Variants in SYNPR observed in about 807,000 individuals in gnomAD.
SYNPR encodes the protein synaptoporin.
Under a neutral mutation model 32.9 loss-of-function variants are expected in SYNPR, and 23 were observed. The observed-to-expected ratio is 0.70, with a 90% CI of 0.50 to 0.99. The LOEUF (loss-of-function observed/expected upper bound fraction) is 0.99. SYNPR is among the 50% of genes least tolerant of loss of function. SYNPR has a pLI of 0.00. For missense variants in SYNPR, 318 were observed against 349.3 expected, an observed-to-expected ratio of 0.91 and a Z score of 0.71; for synonymous variants, 146 against 135.9, an observed-to-expected ratio of 1.07 and a Z score of -0.52.
intron 4 of SYNPR, among the ~76,000 whole-genome samples, chr3:63,581,473 GCAAA>G (rs978406489): frequency 1.1e-4 from 11 of 96,130 alleles, no homozygotes; most frequent in Non-Finnish European, 2.6e-4. Context: ...AAAACGTAAA[GCAAA>G]CAAACAAACA....
the SYNPR span, among the ~76,000 whole-genome samples, chr3:63,201,746 TAAAG>T: frequency 1.3e-5 from 2 of 151,928 alleles, no homozygotes; most frequent in African/African-American, 4.8e-5. Context: ...ACACCAAAAA[TAAAG>T]AATTTACAAT....
At chr3:63,350,574 G>A (rs1191233644) in intron 2 of SYNPR, among the ~76,000 whole-genome samples, 1 of 152,218 alleles carries the variant, frequency 6.6e-6, no homozygotes, top group Non-Finnish European at 1.5e-5. Context: ...GAAGAGAAGA[G>A]ACACTGCACT....
At chr3:63,593,353 G>A (rs776121449) in intron 4 of SYNPR, among the ~76,000 whole-genome samples, 16 of 152,146 alleles carry the variant, frequency 1.1e-4, no homozygotes, top group Non-Finnish European at 2.1e-4. Flanking sequence ...TATGATTTAC[G>A]ACAGTATTGC....
intron 2 of SYNPR, among the ~76,000 whole-genome samples, chr3:63,369,289 A>AGCCTCT (rs775095319): frequency 0.057 from 8,648 of 152,234 alleles, 451 homozygotes; most frequent in East Asian, 0.2. Context: ...TCCAGCCTCC[A>AGCCTCT]GAACTCTGAG....
intron 1 of SYNPR, among the ~76,000 whole-genome samples, chr3:63,234,852 G>T (rs1409152666): frequency 8.5e-5 from 13 of 152,120 alleles, no homozygotes; most frequent in Non-Finnish European, 1.5e-4. Context: ...TGGGGAAAAT[G>T]TATTAAGGAA....
intron 4 of SYNPR, among the ~76,000 whole-genome samples, chr3:63,578,279 C>G (rs1480303617): frequency 1.3e-5 from 2 of 152,128 alleles, no homozygotes; most frequent in African/African-American, 4.8e-5. Context: ...TTGGGCCTCA[C>G]TTGAAATAGG....
intron 2 of SYNPR, among the ~76,000 whole-genome samples, chr3:63,462,009 G>A (rs1173270884): frequency 1.3e-5 from 2 of 152,000 alleles, no homozygotes; most frequent in African/African-American, 4.8e-5. Flanking sequence ...TCCTTAGGAA[G>A]ACCCATCCCG....
intron 2 of SYNPR, among the ~76,000 whole-genome samples, chr3:63,371,841 C>G (rs1442158305): frequency 2.0e-5 from 3 of 152,226 alleles, no homozygotes; most frequent in African/African-American, 7.2e-5. Flanking sequence ...CAACCCACAG[C>G]CCGTCTGCCA....
intron 3 of SYNPR, among the ~76,000 whole-genome samples, chr3:63,501,911 C>T (rs1701489235): frequency 6.6e-6 from 1 of 152,156 alleles, no homozygotes; most frequent in Non-Finnish European, 1.5e-5. Context: ...TGCTATTATA[C>T]ACTAGCTACA....
At chr3:63,550,065 T>A (rs1702474664) in intron 3 of SYNPR, 2 of 152,150 alleles carry the variant, frequency 1.3e-5, no homozygotes. Context: ...TTGAATGACA[T>A]GCTCTGTTTA....
At chr3:63,553,885 C>T (rs1702548597) in intron 3 of SYNPR, among the ~76,000 whole-genome samples, 1 of 152,068 alleles carries the variant, frequency 6.6e-6, no homozygotes, top group South Asian at 2.1e-4. Flanking sequence ...CCATGCCCGT[C>T]TAATTTTATA....
chr3:63,324,644 A>G (rs2087145796), intron 2 of SYNPR, among the ~76,000 whole-genome samples: 1 of 152,098 alleles, frequency 6.6e-6, no homozygotes, highest in Non-Finnish European at 1.5e-5. Context: ...GGAAATATAT[A>G]GTATTGGGTT....
intron 3 of SYNPR, among the ~76,000 whole-genome samples, chr3:63,542,609 G>T (rs1214707484): frequency 1.3e-5 from 2 of 152,058 alleles, no homozygotes; most frequent in Non-Finnish European, 2.9e-5. Flanking sequence ...TTTAGACAGG[G>T]CTCCTCTCTG....
At chr3:63,615,192 C>A (rs370293915) in intron 5 of SYNPR, 32 bp from the exon 6 acceptor site, 5 of 1,604,116 alleles carry the variant, frequency 3.1e-6, no homozygotes, top group Admixed American at 1.7e-5. Flanking sequence ...TTTGTCTAGT[C>A]TATCAATTCA....
intron 2 of SYNPR, among the ~76,000 whole-genome samples, chr3:63,283,803 T>A (rs980944598): frequency 6.8e-6 from 1 of 147,030 alleles, no homozygotes. Flanking sequence ...CTTCCACAGA[T>A]AATTACCTTT....
chr3:63,417,382 C>A (rs568936522), intron 2 of SYNPR, among the ~76,000 whole-genome samples: 1 of 152,362 alleles, frequency 6.6e-6, no homozygotes, highest in African/African-American at 2.4e-5. Context: ...TCCCTCCTGG[C>A]TGCTTTCATG....
chr3:63,373,513 A>C (rs542458601), intron 2 of SYNPR, among the ~76,000 whole-genome samples: 13 of 152,314 alleles, frequency 8.5e-5, no homozygotes, highest in Admixed American at 7.8e-4. Context: ...AGACTAACTC[A>C]GTCAGAGAAA....
At chr3:63,539,845 A>C (rs952836297) in intron 3 of SYNPR, among the ~76,000 whole-genome samples, 1 of 152,122 alleles carries the variant, frequency 6.6e-6, no homozygotes, top group African/African-American at 2.4e-5. Context: ...AACACACCCA[A>C]GAATCCCCGG....
At chr3:63,316,410 A>G (rs181815426) in intron 2 of SYNPR, among the ~76,000 whole-genome samples, 2 of 151,886 alleles carry the variant, frequency 1.3e-5, no homozygotes, top group Admixed American at 1.3e-4. Context: ...TTCAATTTAA[A>G]TGCTTGTTAT....
Sources: allele counts gnomAD v4.1 joint callset (sites outside exome capture counted in the v4.1 genomes callset), GRCh38; gene constraint gnomAD v4.1.1; transcripts MANE v1.5; gene names NCBI Gene and HGNC (gene_info 2026-07-23, HGNC 2026-07-21).